Variants in MAN2B2 observed in about 807,000 individuals in gnomAD.
MAN2B2 encodes mannosidase alpha class 2B member 2.
A neutral mutation model predicts 117.1 loss-of-function variants in MAN2B2; 106 were observed. The observed-to-expected ratio is 0.90, with a 90% CI of 0.77 to 1.06. MAN2B2 has a LOEUF of 1.06. Ranked by LOEUF, MAN2B2 falls within the 50% of genes least tolerant of loss-of-function variation. The pLI, the probability that MAN2B2 is intolerant of heterozygous loss-of-function variation, is 0.00. For missense variants in MAN2B2, 1,326 were observed against 1,381.4 expected, an observed-to-expected ratio of 0.96 and a Z score of 0.64; for synonymous variants, 544 against 595.1, an observed-to-expected ratio of 0.91 and a Z score of 1.25.
intron 11 of MAN2B2, among the ~76,000 whole-genome samples, chr4:6,608,566 G>C (rs1391788240): frequency 6.6e-6 from 1 of 152,248 alleles, no homozygotes; most frequent in East Asian, 1.9e-4. Flanking sequence ...CTGAATTTGA[G>C]TTCTGGCTTG....
At chr4:6,580,924 C>T (rs765660888) in intron 3 of MAN2B2, among the ~76,000 whole-genome samples, 4 of 152,060 alleles carry the variant, frequency 2.6e-5, no homozygotes, top group Non-Finnish European at 4.4e-5. Context: ...GAGGCTGTGT[C>T]GCTCTGGGGC....
At chr4:6,593,398 A>T in intron 6 of MAN2B2, 48 bp downstream of exon 6, 9 of 1,560,372 alleles carry the variant, frequency 5.8e-6, no homozygotes, top group Non-Finnish European at 7.8e-6. Context: ...CCCAAGGAGC[A>T]CTATGCAAGC....
chr4:6,590,569 A>G (rs1726817143), intron 5 of MAN2B2, among the ~76,000 whole-genome samples: 1 of 152,158 alleles, frequency 6.6e-6, no homozygotes, highest in Non-Finnish European at 1.5e-5. Flanking sequence ...ACGGTCCTCC[A>G]GGGCACTGTC....
intron 11 of MAN2B2, among the ~76,000 whole-genome samples, chr4:6,608,853 TGCTGACG>T (rs1052485600): frequency 9.9e-5 from 15 of 152,198 alleles, no homozygotes; most frequent in African/African-American, 3.4e-4. Flanking sequence ...GGGTGCCCTC[TGCTGACG>T]GCTCACGGTT....
intron 4 of MAN2B2, among the ~76,000 whole-genome samples, chr4:6,587,561 C>G (rs552250817): frequency 6.6e-6 from 1 of 152,160 alleles, no homozygotes; most frequent in Non-Finnish European, 1.5e-5. Flanking sequence ...TTACCAGAGA[C>G]GCTGTGATTC....
At chr4:6,609,643 C>T (rs1211499856) in intron 12 of MAN2B2, 155 bp from the exon 13 acceptor site, 9 of 953,266 alleles carry the variant, frequency 9.4e-6, no homozygotes, top group Non-Finnish European at 1.4e-5. Context: ...GCTCGGGGTC[C>T]TGGGTGGTGC....
intron 5 of MAN2B2, among the ~76,000 whole-genome samples, chr4:6,589,916 C>T (rs1726789532): frequency 6.6e-6 from 1 of 151,812 alleles, no homozygotes; most frequent in Non-Finnish European, 1.5e-5. Context: ...CCTATCTCTA[C>T]AAAAACTTAA....
intron 3 of MAN2B2, among the ~76,000 whole-genome samples, chr4:6,579,367 TCACCAC>T (rs1232409024): frequency 8.2e-5 from 3 of 36,516 alleles, no homozygotes; most frequent in African/African-American, 2.9e-4. Context: ...ACCATCACCA[TCACCAC>T]CACCACCACT....
rs1453049922 is a variant in MAN2B2 at position 6,610,048 on chromosome 4, C to CG, written c.2259+1dup. The CG allele has an allele frequency of 2.5e-6, 4 of 1,613,856 alleles. No individual in the cohort carries two copies. In the African/African-American group the frequency reaches 5.3e-5, roughly 22 times the overall value. ...TTCCTATGTGAACAACAGCATCGCC[C>CG]GGGTATGTCCTGCAATGCCCACAAG... On this transcript the variant is annotated frameshift_variant and splice_region_variant, in exon 13 of 19. Transcript: ENST00000285599. LOFTEE classifies it high-confidence loss of function.
chr4:6,576,943 A>C (rs979912551), intron 2 of MAN2B2, among the ~76,000 whole-genome samples: 1 of 152,144 alleles, frequency 6.6e-6, no homozygotes, highest in Non-Finnish European at 1.5e-5. Context: ...ATTTCTGTCT[A>C]TTCTTGAAAA....
rs565876172 is a variant in MAN2B2, at chr4:6,606,380, A to C, written c.1814+1051A>C. Among the ~76,000 whole-genome samples the C allele has an allele frequency of 1.1e-4, 17 of 152,342 alleles. No homozygotes were observed. In the South Asian group the frequency reaches 3.5e-3, roughly 32 times the overall value. On this transcript the variant is annotated intron_variant, in intron 11 of 18. Coordinates refer to ENST00000285599, the MANE Select transcript of MAN2B2 (RefSeq NM_015274.3). The stretch of plus-strand genomic sequence containing the variant: ...CAGCAGCCAGCATGGGTGGCTGGCA[A>C]GGGGGGAGTTGGGCAGAGGAGCTGC...
chr4:6,591,750 C>T (rs1226325683), intron 5 of MAN2B2, among the ~76,000 whole-genome samples: 1 of 152,126 alleles, frequency 6.6e-6, no homozygotes, highest in Non-Finnish European at 1.5e-5. Flanking sequence ...GGTGAAGACT[C>T]AGTGGGGACC....
intron 8 of MAN2B2, 129 bp downstream of exon 8, chr4:6,597,432 G>A: frequency 2.9e-6 from 3 of 1,018,580 alleles, no homozygotes; most frequent in East Asian, 3.0e-5. Context: ...GGAAACTGAG[G>A]TTCCCTTTGG....
chr4:6,579,447 T>C lies in MAN2B2; in HGVS notation c.391+949T>C, dbSNP rs1365903023. The stretch of plus-strand genomic sequence containing the variant: ...CCACCATCACCACCACCCTTCACCA[T>C]CACCACCACCCTTCACCACCACAAT... On this transcript the variant is annotated intron_variant, in intron 3 of 18. Coordinates refer to ENST00000285599, the MANE Select transcript of MAN2B2 (RefSeq NM_015274.3). Among the ~76,000 whole-genome samples, 37 of 95,350 alleles carry C rather than the reference T, an allele frequency of 3.9e-4. No homozygotes were observed. The East Asian group carries it at 0.012, about 31-fold the overall frequency. 62.6% of individuals were successfully genotyped at this position (95,350 alleles called of 152,430 possible).
At position 6,609,269 on chromosome 4, in the gene MAN2B2, T is replaced by C. The variant is rs1482356690; in HGVS notation, c.1977T>C (p.Leu659=). Residue 659 remains leucine, a synonymous_variant, in exon 12 of 19, where the codon CTT becomes CTC. Transcript: ENST00000285599. ...AVEMEIVAGQ[L]VTEIRQYFYR... is the part of the protein sequence containing the mutation. ...AAATGGAGATTGTGGCGGGACAGCT[T>C]GTGACTGAGATCCGGCAGTACTTCT... 4 of 1,614,016 alleles carry C rather than the reference T, an allele frequency of 2.5e-6. No homozygotes were observed. Among genetic ancestry groups the C allele is most frequent in the Non-Finnish European group, 2.5e-6 (3 of 1,179,962 alleles).
intron 3 of MAN2B2, among the ~76,000 whole-genome samples, chr4:6,579,231 T>C (rs1219567526): frequency 2.9e-3 from 103 of 35,542 alleles, no homozygotes; most frequent in Non-Finnish European, 3.8e-3. Context: ...ACCACCACCA[T>C]CACCACCACC....
chr4:6,595,236 C>A lies in MAN2B2; in HGVS notation c.1057+504C>A, dbSNP rs144078560. Among the ~76,000 whole-genome samples the A allele has an allele frequency of 1.9e-3, 285 of 152,338 alleles. 1 individual carries two copies. The highest frequency in any genetic ancestry group is 5.5e-3 in the African/African-American group (227 of 41,578). On this transcript the variant is annotated intron_variant, in intron 7 of 18. Transcript: ENST00000285599. ...AAGAGGGCTGGCTGTGAGTAAGCCT[C>A]TACTCGCTGCCTGTGTGCAAGTCAT...
chr4:6,584,164 G>A (rs1726548052), intron 3 of MAN2B2, among the ~76,000 whole-genome samples: 1 of 152,186 alleles, frequency 6.6e-6, no homozygotes, highest in African/African-American at 2.4e-5. Context: ...TTCCTAGTGG[G>A]TGGGGGAAGA....
At chr4:6,616,627 T>C (rs908287914) in intron 16 of MAN2B2, among the ~76,000 whole-genome samples, 1 of 152,300 alleles carries the variant, frequency 6.6e-6, no homozygotes, top group East Asian at 1.9e-4. Flanking sequence ...TCACTTTGCA[T>C]TGGCCACAGA....
Sources: gnomAD v4.1 joint callset for allele counts (sites outside exome capture counted in the v4.1 genomes callset) on GRCh38, gnomAD v4.1.1 for gene constraint, MANE v1.5 for transcripts, NCBI Gene and HGNC (gene_info 2026-07-23, HGNC 2026-07-21) for gene names.